Variants in CLSTN2 observed in about 807,000 individuals in gnomAD.
The protein encoded by CLSTN2 is calsyntenin-2.
In CLSTN2, 48 loss-of-function variants were observed where a neutral mutation model predicts 101.2. The observed-to-expected ratio is 0.47, with a 90% CI of 0.38 to 0.60. The LOEUF (loss-of-function observed/expected upper bound fraction) is 0.60, where lower values mean the gene tolerates loss of function less well. Ranked by LOEUF, CLSTN2 falls within the 20% of genes least tolerant of loss-of-function variation. The pLI, the probability that CLSTN2 is intolerant of heterozygous loss-of-function variation, is 0.00. For synonymous variants in CLSTN2, 481 were observed against 463.6 expected (o/e 1.04, Z -0.48); for missense variants, 1,160 against 1,238.2 (o/e 0.94, Z 0.95).
chr3:140,352,972 T>C (rs1010613598), intron 2 of CLSTN2, among the ~76,000 whole-genome samples: 3 of 152,192 alleles, frequency 2.0e-5, no homozygotes, highest in Non-Finnish European at 2.9e-5. Flanking sequence ...ATATCTGTAC[T>C]GAACCTGTGT....
At chr3:140,547,346 C>A (rs1452392894) in intron 10 of CLSTN2, among the ~76,000 whole-genome samples, 1 of 152,008 alleles carries the variant, frequency 6.6e-6, no homozygotes, top group African/African-American at 2.4e-5. Flanking sequence ...TGGTGGCGTG[C>A]ACCTGTAATC....
chr3:139,975,994 G>C (rs1200078726), intron 1 of CLSTN2, among the ~76,000 whole-genome samples: 2 of 152,198 alleles, frequency 1.3e-5, no homozygotes, highest in African/African-American at 4.8e-5. Flanking sequence ...GCATTAAGTT[G>C]ACTTTTCCAT....
rs1034434884 is a variant in CLSTN2, at chr3:140,135,144, A to G, written c.110-40807A>G. Among the ~76,000 whole-genome samples the G allele has an allele frequency of 4.4e-5, 6 of 137,788 alleles. No homozygotes were observed. The South Asian group carries it at 1.4e-3, about 32-fold the overall frequency. 90.4% of individuals were successfully genotyped at this position (137,788 alleles called of 152,430 possible). A position where few individuals can be genotyped will look rare whatever the true frequency, so the allele number is the denominator to read the frequency against. On this transcript the variant is annotated intron_variant, in intron 1 of 16. Coordinates refer to ENST00000458420, the MANE Select transcript of CLSTN2 (RefSeq NM_022131.3). ...TATATATATATATATATATATATAT[A>G]TATATATATATATATATAAAATATG...
intron 8 of CLSTN2, among the ~76,000 whole-genome samples, chr3:140,515,361 G>A (rs2107770324): frequency 6.6e-6 from 1 of 151,986 alleles, no homozygotes; most frequent in Admixed American, 6.5e-5. Flanking sequence ...GTTTGTTTCA[G>A]TTTCATTTAG....
At chr3:140,317,419 A>G (rs1272710401) in intron 2 of CLSTN2, among the ~76,000 whole-genome samples, 1 of 152,032 alleles carries the variant, frequency 6.6e-6, no homozygotes, top group Non-Finnish European at 1.5e-5. Flanking sequence ...CAGCCTCCCA[A>G]CCAGGCCTGT....
intron 5 of CLSTN2, among the ~76,000 whole-genome samples, chr3:140,441,369 C>T (rs2088762782): frequency 6.6e-6 from 1 of 152,182 alleles, no homozygotes; most frequent in South Asian, 2.1e-4. Flanking sequence ...TGACAAGGAA[C>T]CAAAATTTGG....
At chr3:140,538,981 T>C (rs1372438932) in intron 9 of CLSTN2, among the ~76,000 whole-genome samples, 1 of 152,200 alleles carries the variant, frequency 6.6e-6, no homozygotes, top group Non-Finnish European at 1.5e-5. Context: ...TCCTCAATCT[T>C]ATGCAGCCAT....
chr3:140,324,420 A>C (rs1054485741), intron 2 of CLSTN2, among the ~76,000 whole-genome samples: 2 of 152,358 alleles, frequency 1.3e-5, no homozygotes, highest in African/African-American at 4.8e-5. Flanking sequence ...AATATAAAGG[A>C]TGCATATACA....
At position 140,502,443 on chromosome 3, in the gene CLSTN2, G is replaced by C. The variant is rs1576601156; in HGVS notation, c.1345-29881G>C. Among the ~76,000 whole-genome samples the C allele has an allele frequency of 3.3e-5, 5 of 152,330 alleles. No individual in the cohort carries two copies. In the South Asian group the frequency reaches 8.3e-4, roughly 25 times the overall value. ...TATTAAACAGCTTGGGGAGTCTTAG[G>C]CATGCAGAAGCCACCAAGCAGAGGT... On this transcript the variant is annotated intron_variant, in intron 8 of 16. Coordinates refer to ENST00000458420, the MANE Select transcript of CLSTN2 (RefSeq NM_022131.3).
intron 11 of CLSTN2, 159 bp downstream of exon 11, chr3:140,556,820 T>C (rs1408260640): frequency 1.7e-5 from 11 of 645,052 alleles, no homozygotes; most frequent in Non-Finnish European, 1.3e-5. Flanking sequence ...AGGATCTGTG[T>C]TCTTGTTTTC....
intron 8 of CLSTN2, among the ~76,000 whole-genome samples, chr3:140,467,533 G>A (rs1234094608): frequency 6.6e-6 from 1 of 152,150 alleles, no homozygotes; most frequent in Non-Finnish European, 1.5e-5. Context: ...GCTGCTTAAT[G>A]AGGCAGAGGA....
chr3:140,276,467 A>G (rs2086796580), intron 2 of CLSTN2, among the ~76,000 whole-genome samples: 1 of 152,190 alleles, frequency 6.6e-6, no homozygotes, highest in Admixed American at 6.5e-5. Context: ...GTGGCCAAGT[A>G]CTATCTGAGT....
chr3:140,219,267 C>T (rs2086243122), intron 2 of CLSTN2, among the ~76,000 whole-genome samples: 1 of 151,958 alleles, frequency 6.6e-6, no homozygotes, highest in Non-Finnish European at 1.5e-5. Flanking sequence ...CATGTGCAGC[C>T]AAGGACTTTA....
chr3:140,346,843 C>CTGGT (rs1174067212), intron 2 of CLSTN2, among the ~76,000 whole-genome samples: 1 of 152,098 alleles, frequency 6.6e-6, no homozygotes, highest in Admixed American at 6.5e-5. Context: ...GTAGATGCTC[C>CTGGT]AGAGTCTGGA....
chr3:140,248,562 T>C (rs538448170), intron 2 of CLSTN2, among the ~76,000 whole-genome samples: 11 of 152,100 alleles, frequency 7.2e-5, no homozygotes, highest in Admixed American at 2.0e-4. Flanking sequence ...AAGACAATCG[T>C]TGGCAGTTGG....
chr3:140,248,189 G>A (rs1255223081), intron 2 of CLSTN2, among the ~76,000 whole-genome samples: 2 of 152,242 alleles, frequency 1.3e-5, no homozygotes, highest in Admixed American at 1.3e-4. Context: ...CCTGCGCAGA[G>A]CAAAGCATTA....
intron 1 of CLSTN2, among the ~76,000 whole-genome samples, chr3:140,053,108 G>A (rs2008029321): frequency 1.3e-5 from 2 of 152,108 alleles, no homozygotes; most frequent in South Asian, 4.2e-4. Flanking sequence ...CTCGGGTGAG[G>A]GAGGACATGA....
chr3:140,001,142 T>C (rs2006827281), intron 1 of CLSTN2, among the ~76,000 whole-genome samples: 1 of 152,222 alleles, frequency 6.6e-6, no homozygotes, highest in African/African-American at 2.4e-5. Context: ...ACTCATCCTA[T>C]AAGTAAGGAG....
chr3:139,971,429 T>A (rs2107819074), intron 1 of CLSTN2, among the ~76,000 whole-genome samples: 1 of 152,316 alleles, frequency 6.6e-6, no homozygotes, highest in African/African-American at 2.4e-5. Context: ...GCCCTGGGCT[T>A]GAGGCTGGAG....
Sources: allele counts gnomAD v4.1 joint callset (sites outside exome capture counted in the v4.1 genomes callset), GRCh38; gene constraint gnomAD v4.1.1; transcripts MANE v1.5; gene names NCBI Gene and HGNC (gene_info 2026-07-23, HGNC 2026-07-21).